Variants in MYOF observed in about 807,000 individuals in gnomAD.
MYOF encodes the protein fer-1-like 3, myoferlin.
MYOF carries 244 observed loss-of-function variants against 284.2 expected under a neutral mutation model. That is an observed-to-expected ratio of 0.86 (90% confidence interval 0.77 to 0.95). The LOEUF is 0.95. Ranked by LOEUF, MYOF falls within the 40% of genes least tolerant of loss-of-function variation. The probability of loss-of-function intolerance (pLI) is 0.00; values close to 1 mark genes in which losing one functional copy is unlikely to be tolerated. For synonymous variants in MYOF, 904 were observed against 919.7 expected (o/e 0.98, Z 0.31); for missense variants, 2,496 against 2,560.6 (o/e 0.97, Z 0.54).
At chr10:93,428,347 C>T (rs963045256) in intron 4 of MYOF, among the ~76,000 whole-genome samples, 26 of 148,588 alleles carry the variant, frequency 1.7e-4, no homozygotes, top group Non-Finnish European at 3.4e-4. Flanking sequence ...ATTACAAGCA[C>T]GTGCCACCAT....
rs186023985 is a variant in MYOF at position 93,310,909 on chromosome 10, T to C, written c.5890-266A>G. Among the ~76,000 whole-genome samples the C allele has an allele frequency of 2.6e-5, 4 of 152,252 alleles. No individual in the cohort carries two copies. The East Asian group carries it at 5.8e-4, about 22-fold the overall frequency. On this transcript the variant is annotated intron_variant, in intron 51 of 53. Coordinates refer to ENST00000359263, the MANE Select transcript of MYOF (RefSeq NM_013451.4). ...TCCCCCTCACTCTAACATTCTCACA[T>C]TGGTCTCCTTGTCTCCCCACACACC...
At position 93,333,671 on chromosome 10, in the gene MYOF, G is replaced by A. The variant is rs888983298; in HGVS notation, c.4719+87C>T. The A allele has an allele frequency of 6.0e-5, 90 of 1,508,084 alleles. 1 individual carries two copies. The highest frequency in any genetic ancestry group is 2.5e-4 in the East Asian group (11 of 44,088). 93.4% of individuals were successfully genotyped at this position (1,508,084 alleles called of 1,614,324 possible). On this transcript the variant is annotated intron_variant, in intron 42 of 53. Coordinates refer to ENST00000359263, the MANE Select transcript of MYOF (RefSeq NM_013451.4). ...TCTTTCCCCTAGTGAGATAACAGAC[G>A]CCCAGAAAGAAAGAACATGACAATT... is the stretch of plus-strand genomic sequence containing the variant.
At chr10:93,399,584 T>C in intron 12 of MYOF, 89 bp from the exon 13 acceptor site, 6 of 869,228 alleles carry the variant, frequency 6.9e-6, no homozygotes, top group Non-Finnish European at 1.1e-5. Context: ...ATCAAAATAG[T>C]TGCAACAGGC....
At chr10:93,349,733 T>G (rs1001068515) in intron 36 of MYOF, 75 bp downstream of exon 36, 13 of 1,439,686 alleles carry the variant, frequency 9.0e-6, no homozygotes, top group Middle Eastern at 1.8e-4. Context: ...AACTCTGTGT[T>G]TGTGTGTGTG....
rs146733157 is a variant in MYOF at position 93,388,956 on chromosome 10, T to C, written c.1581+74A>G. The C allele has an allele frequency of 3.9e-4, 603 of 1,542,016 alleles. 1 individual carries two copies. The African/African-American group carries it at 4.9e-3, about 13-fold the overall frequency. ...TATGAAACTTCTATCCTGCAATACT[T>C]GATCAGACATTATAAGAAGAAATAA... On this transcript the variant is annotated intron_variant, in intron 18 of 53. Transcript: ENST00000359263.
intron 39 of MYOF, chr10:93,338,401 C>A (rs1175342218): frequency 1.3e-5 from 6 of 456,438 alleles, no homozygotes; most frequent in Admixed American, 2.4e-5. Context: ...ATAAGCCATA[C>A]CCTTATGTTT....
At chr10:93,468,720 C>T (rs1400450788) in intron 1 of MYOF, among the ~76,000 whole-genome samples, 1 of 152,208 alleles carries the variant, frequency 6.6e-6, no homozygotes, top group Non-Finnish European at 1.5e-5. Context: ...AATCTACTTT[C>T]CTCAACCCTC....
chr10:93,361,332 G>C (rs1450247604), intron 28 of MYOF, 120 bp downstream of exon 28: 21 of 909,288 alleles, frequency 2.3e-5, no homozygotes, highest in Non-Finnish European at 3.4e-5. Context: ...TGGCCTGGGG[G>C]CTGGGGACTC....
chr10:93,375,026 A>G (rs1286414478), intron 22 of MYOF, 71 bp from the exon 23 acceptor site: 3 of 1,405,294 alleles, frequency 2.1e-6, no homozygotes, highest in Non-Finnish European at 2.9e-6. Flanking sequence ...AGAACTGTCA[A>G]ATACATTTAT....
At chr10:93,438,365 T>A (rs1196142051) in intron 3 of MYOF, among the ~76,000 whole-genome samples, 1 of 152,136 alleles carries the variant, frequency 6.6e-6, no homozygotes. Context: ...GAATAATTCT[T>A]TCTCAACACG....
intron 1 of MYOF, among the ~76,000 whole-genome samples, chr10:93,479,912 T>C (rs4919169): frequency 1.3e-5 from 2 of 152,000 alleles, no homozygotes; most frequent in African/African-American, 4.8e-5. Context: ...TTCAATTGAT[T>C]GTTTGCATTC....
chr10:93,328,573 C>A (rs1002012256), intron 45 of MYOF, among the ~76,000 whole-genome samples, 190 bp downstream of exon 45: 3 of 152,198 alleles, frequency 2.0e-5, no homozygotes, highest in Non-Finnish European at 2.9e-5. Context: ...AAACAGCAGA[C>A]AAGAAAATGT....
intron 17 of MYOF, among the ~76,000 whole-genome samples, chr10:93,392,340 G>C (rs560049178): frequency 6.6e-6 from 1 of 152,226 alleles, no homozygotes; most frequent in South Asian, 2.1e-4. Context: ...CTAAACCTCA[G>C]AGTCTTCATC....
Position 93,381,403 on chromosome 10 carries a change from A to C in MYOF, c.1699-7T>G, listed in dbSNP as rs1257369892. 1 of 1,613,912 alleles carries C rather than the reference A, an allele frequency of 6.2e-7. No individual in the cohort carries two copies. The stretch of plus-strand genomic sequence containing the variant: ...TCCGCCTTCGCTGGTATTTCTATAA[A>C]GTATGAGCAGACATAAGGTTCAGTG... On this transcript the variant is annotated splice_polypyrimidine_tract_variant and splice_region_variant and intron_variant, in intron 19 of 53. Transcript: ENST00000359263.
intron 38 of MYOF, among the ~76,000 whole-genome samples, chr10:93,342,524 C>T (rs2133853839): frequency 6.6e-6 from 1 of 152,320 alleles, no homozygotes; most frequent in Non-Finnish European, 1.5e-5. Context: ...ACCAATCCTG[C>T]TATGTTGCAA....
intron 50 of MYOF, among the ~76,000 whole-genome samples, chr10:93,314,874 C>CAA (rs754983496): frequency 0.023 from 3,508 of 152,202 alleles, 59 homozygotes; most frequent in Non-Finnish European, 0.037. Context: ...CATGGCAAAA[C>CAA]CCTGTCTCTA....
chr10:93,321,870 G>A (rs1013579254), intron 48 of MYOF, among the ~76,000 whole-genome samples: 2 of 152,026 alleles, frequency 1.3e-5, no homozygotes, highest in African/African-American at 2.4e-5. Flanking sequence ...ATTTATGCAC[G>A]ATTCATCTTT....
At chr10:93,338,204 G>T (rs2133835820) in intron 39 of MYOF, 4 of 480,050 alleles carry the variant, frequency 8.3e-6, no homozygotes, top group East Asian at 4.5e-5. Context: ...TTAATTTGTT[G>T]GTTTTTACAT....
intron 32 of MYOF, among the ~76,000 whole-genome samples, chr10:93,352,252 C>A (rs1467514187): frequency 6.6e-6 from 1 of 152,150 alleles, no homozygotes; most frequent in African/African-American, 2.4e-5. Context: ...CTCCTCCATG[C>A]AATGAAAGTA....
Sources: allele counts gnomAD v4.1 joint callset (sites outside exome capture counted in the v4.1 genomes callset), GRCh38; gene constraint gnomAD v4.1.1; transcripts MANE v1.5; gene names NCBI Gene and HGNC (gene_info 2026-07-23, HGNC 2026-07-21).